The following WDTC1 variants were observed in gnomAD, a reference collection of about 807,000 sequenced individuals.
WDTC1 encodes the protein WD and tetratricopeptide repeats 1, also known as WD and tetratricopeptide repeats protein 1.
In WDTC1, 12 loss-of-function variants were observed where a neutral mutation model predicts 76.0. The observed-to-expected ratio is 0.16, with a 90% CI of 0.10 to 0.26. The LOEUF is 0.26. Ranked by LOEUF, WDTC1 falls within the 10% of genes least tolerant of loss-of-function variation. The pLI is 1.00. For synonymous variants in WDTC1, 326 were observed against 350.8 expected (o/e 0.93, Z 0.79); for missense variants, 511 against 908.8 (o/e 0.56, Z 5.63).
At chr1:27,268,089 A>G (rs991306816) in intron 3 of WDTC1, among the ~76,000 whole-genome samples, 2 of 152,160 alleles carry the variant, frequency 1.3e-5, no homozygotes, top group Admixed American at 1.3e-4. Flanking sequence ...GTCTTATATC[A>G]AACATAATGC....
At chr1:27,295,493 G>A (rs1433952255) in intron 9 of WDTC1, among the ~76,000 whole-genome samples, 3 of 147,456 alleles carry the variant, frequency 2.0e-5, no homozygotes, top group Non-Finnish European at 4.5e-5. Flanking sequence ...CGCTCTTGTT[G>A]CCCAGGCTGG....
At position 27,305,108 on chromosome 1, in the gene WDTC1, A is replaced by G. The variant is rs2013922386; in HGVS notation, c.1751A>G (p.Asn584Ser). 7 of 1,613,946 alleles carry G rather than the reference A, an allele frequency of 4.3e-6. No homozygotes were observed. Among genetic ancestry groups the G allele is most frequent in the Non-Finnish European group, 5.9e-6 (7 of 1,179,958 alleles). Residue 584 changes from asparagine to serine, a missense_variant, in exon 15 of 16, where the codon AAC becomes AGC. Transcript: ENST00000319394. The surrounding 1 kb of genome is among the most constrained non-coding windows in gnomAD (Gnocchi z 4.6). ...CTCCAAGGGGATGAGTCCATTGTCA[A>G]CTGCCTGCAGCCACACCCCAGCTAC... Reference protein sequence around the residue: ...RVLQGDESIVNCLQPHPSYCF... With the variant: ...RVLQGDESIVSCLQPHPSYCF...
intron 14 of WDTC1, 191 bp from the exon 15 acceptor site, chr1:27,304,810 C>A: frequency 1.8e-6 from 1 of 547,522 alleles, no homozygotes; most frequent in Non-Finnish European, 3.2e-6. Flanking sequence ...AGTCGCTGGC[C>A]CTAGGTTTAA....
chr1:27,296,045 A>G (rs2013674252), intron 9 of WDTC1, among the ~76,000 whole-genome samples: 1 of 152,198 alleles, frequency 6.6e-6, no homozygotes, highest in South Asian at 2.1e-4. Flanking sequence ...CTAGGATTAC[A>G]GGCTACGCCA....
Position 27,282,143 on chromosome 1 carries a change from A to G in WDTC1, c.133-96A>G, listed in dbSNP as rs544746863. ...CACTTGGAAAATATTGAAAATGGAAAGACTGGTTTACCTGTTCAGTTCCAC... is the reference window on the plus strand; with the variant it reads ...CACTTGGAAAATATTGAAAATGGAAGGACTGGTTTACCTGTTCAGTTCCAC... On this transcript the variant is annotated intron_variant, in intron 3 of 15. Coordinates refer to ENST00000319394, the MANE Select transcript of WDTC1 (RefSeq NM_001276252.2). 421 of 1,200,806 alleles carry G rather than the reference A, an allele frequency of 3.5e-4. 2 individuals carry two copies. The highest frequency in any genetic ancestry group is 4.7e-4 in the Non-Finnish European group (386 of 821,330). 74.4% of individuals were successfully genotyped at this position (1,200,806 alleles called of 1,614,324 possible).
chr1:27,289,720 C>T (rs996542994), intron 6 of WDTC1, among the ~76,000 whole-genome samples: 5 of 152,076 alleles, frequency 3.3e-5, no homozygotes, highest in Non-Finnish European at 4.4e-5. Context: ...AACGAGACTC[C>T]GTCTGCAATC....
chr1:27,275,271 G>A (rs111959084), intron 3 of WDTC1, among the ~76,000 whole-genome samples: 17 of 152,078 alleles, frequency 1.1e-4, no homozygotes, highest in Non-Finnish European at 2.4e-4. Context: ...TTTCCTTTGT[G>A]AATAGCTTTG....
chr1:27,234,497 T>A (rs2011441453), upstream of WDTC1: 4 of 335,068 alleles, frequency 1.2e-5, no homozygotes, highest in South Asian at 3.1e-4. Flanking sequence ...CAGCAGACGT[T>A]GACCGGGCGC....
intron 3 of WDTC1, among the ~76,000 whole-genome samples, chr1:27,270,303 A>C (rs2012828938): frequency 1.3e-5 from 2 of 152,228 alleles, no homozygotes; most frequent in South Asian, 4.1e-4. Context: ...AGACAGGCAG[A>C]ACCAGTTAAG....
At position 27,250,727 on chromosome 1, in the gene WDTC1, C is replaced by T. The variant is rs565794020; in HGVS notation, c.-99-10229C>T. Among the ~76,000 whole-genome samples the T allele has an allele frequency of 5.9e-5, 9 of 152,168 alleles. No homozygotes were observed. In the East Asian group the frequency reaches 1.4e-3, roughly 23 times the overall value. On this transcript the variant is annotated intron_variant, in intron 1 of 15. Transcript: ENST00000319394. ...TTCTTCATATTTGGATATTACCATTCAATTCTTGGTTCTAGATGAGTGATC... is the reference window on the plus strand; with the variant it reads ...TTCTTCATATTTGGATATTACCATTTAATTCTTGGTTCTAGATGAGTGATC...
chr1:27,290,368 G>A (rs1239237734), intron 6 of WDTC1, among the ~76,000 whole-genome samples: 1 of 152,152 alleles, frequency 6.6e-6, no homozygotes. Flanking sequence ...GCTGGTGTGA[G>A]CTACCACACC....
rs184790402 is a variant in WDTC1 at position 27,260,178 on chromosome 1, C to T, written c.-99-778C>T. ...GGAGTGCAGTGGCGCAATCTCGGCT[C>T]ACTGCAAGCTCCGCCTCCCAGGTTC... On this transcript the variant is annotated intron_variant, in intron 1 of 15. Coordinates refer to ENST00000319394, the MANE Select transcript of WDTC1 (RefSeq NM_001276252.2). Among the ~76,000 whole-genome samples the T allele has an allele frequency of 4.3e-3, 660 of 152,248 alleles. 5 individuals carry two copies. Among genetic ancestry groups the T allele is most frequent in the African/African-American group, 0.015 (627 of 41,542 alleles).
chr1:27,235,069 C>G, intron 1 of WDTC1, 118 bp downstream of exon 1: 1 of 330,528 alleles, frequency 3.0e-6, no homozygotes, highest in Non-Finnish European at 5.5e-6. Context: ...GCCTGGGGGC[C>G]TGAGCCTACC....
At position 27,247,712 on chromosome 1, in the gene WDTC1, CTTTT is replaced by C. The variant is rs35930144; in HGVS notation, c.-100+12775_-100+12778del. 2.9e-5 allele frequency among the ~76,000 whole-genome samples: 4 copies of C among 136,538 alleles called. No homozygotes were observed. In the East Asian group the frequency reaches 6.2e-4, roughly 21 times the overall value. 89.6% of individuals were successfully genotyped at this position (136,538 alleles called of 152,430 possible). ...GGTGTACATGTACCACATTTTCTTT[CTTTT>C]TTTTTTTTTTTTTCTTTGTGAGATG... On this transcript the variant is annotated intron_variant, in intron 1 of 15. Transcript: ENST00000319394.
In WDTC1 at chr1:27,303,596, AC is replaced by A; in HGVS notation, c.1469-23del. ...AAGGAGAGAAAGGAACAAGGCGCTT[AC>A]CTTTTCTGGATCTCTGCCCCCAGAG... On this transcript the variant is annotated intron_variant, in intron 13 of 15. Transcript: ENST00000319394. This position sits in a 1 kb window ranked among gnomAD's most constrained non-coding sequence, Gnocchi z 4.8. 1.9e-6 allele frequency: 3 copies of A among 1,568,138 alleles called. No individual in the cohort carries two copies. The highest frequency in any genetic ancestry group is 2.6e-6 in the Non-Finnish European group (3 of 1,163,368).
chr1:27,296,963 C>T, intron 10 of WDTC1, 85 bp from the exon 11 acceptor site: 1 of 1,178,568 alleles, frequency 8.5e-7, no homozygotes, highest in Non-Finnish European at 1.3e-6. Flanking sequence ...CCATCAGACC[C>T]CGTGATGGAA....
intron 1 of WDTC1, among the ~76,000 whole-genome samples, chr1:27,247,636 T>C (rs1357355634): frequency 6.6e-6 from 1 of 152,306 alleles, no homozygotes; most frequent in South Asian, 2.1e-4. Context: ...GCTCCATTCA[T>C]GTTCCTGCAA....
At chr1:27,273,444 G>A (rs1161940871) in intron 3 of WDTC1, among the ~76,000 whole-genome samples, 2 of 151,942 alleles carry the variant, frequency 1.3e-5, no homozygotes, top group Non-Finnish European at 2.9e-5. Context: ...TCCTGACCTC[G>A]TGATCTGCCT....
intron 5 of WDTC1, among the ~76,000 whole-genome samples, chr1:27,286,768 ATT>A (rs1260046859): frequency 1.3e-5 from 2 of 151,710 alleles, no homozygotes; most frequent in African/African-American, 4.8e-5. Flanking sequence ...GGCCTGGATT[ATT>A]TCTTGGAAGT....
Sources: gnomAD v4.1 joint callset for allele counts (sites outside exome capture counted in the v4.1 genomes callset) on GRCh38, gnomAD v4.1.1 for gene constraint, Gnocchi (gnomAD v3.1) non-coding constraint, MANE v1.5 for transcripts, NCBI Gene and HGNC (gene_info 2026-07-23, HGNC 2026-07-21) for gene names.